The following DSCAM variants were observed in gnomAD, a reference collection of about 807,000 sequenced individuals.
The protein encoded by DSCAM is cell adhesion molecule DSCAM.
In DSCAM, 47 loss-of-function variants were observed where a neutral mutation model predicts 217.7. The ratio of observed to expected loss-of-function variants is 0.22; its 90% CI spans 0.17 to 0.28. The LOEUF (loss-of-function observed/expected upper bound fraction) is 0.28, where lower values mean the gene tolerates loss of function less well. Ranked by LOEUF, DSCAM falls within the 10% of genes least tolerant of loss-of-function variation. The probability of loss-of-function intolerance (pLI) is 1.00; values close to 1 mark genes in which losing one functional copy is unlikely to be tolerated. For missense variants in DSCAM, 2,080 were observed against 2,618.3 expected (o/e 0.79, Z 4.49); for synonymous variants, 1,056 against 1,015.3 (o/e 1.04, Z -0.76).
intron 32 of DSCAM, among the ~76,000 whole-genome samples, chr21:40,037,306 A>T (rs2088644546): frequency 6.7e-6 from 1 of 149,952 alleles, no homozygotes; most frequent in African/African-American, 2.5e-5. Context: ...CTGATAAGCA[A>T]CTTCAGCAAA....
At chr21:40,304,127 T>C (rs552854429) in intron 9 of DSCAM, among the ~76,000 whole-genome samples, 64 of 152,378 alleles carry the variant, frequency 4.2e-4, no homozygotes, top group African/African-American at 1.4e-3. Context: ...GGCTCATACA[T>C]AACAGCTAAG....
intron 1 of DSCAM, among the ~76,000 whole-genome samples, chr21:40,731,447 T>C (rs747538861): frequency 6.6e-6 from 1 of 152,146 alleles, no homozygotes; most frequent in African/African-American, 2.4e-5. Flanking sequence ...ACTAGTTTGC[T>C]AGGGCTTCTG....
intron 3 of DSCAM, among the ~76,000 whole-genome samples, chr21:40,421,957 C>A (rs2075428733): frequency 6.6e-6 from 1 of 152,166 alleles, no homozygotes; most frequent in Non-Finnish European, 1.5e-5. Flanking sequence ...AATGAGGAGG[C>A]TCTGAGCATG....
chr21:40,823,935 C>T (rs964917149), intron 1 of DSCAM, among the ~76,000 whole-genome samples: 1 of 151,224 alleles, frequency 6.6e-6, no homozygotes, highest in Non-Finnish European at 1.5e-5. Flanking sequence ...TTTGCAGAAA[C>T]GCAAATTTCA....
At chr21:40,476,684 C>T (rs2075938983) in intron 3 of DSCAM, among the ~76,000 whole-genome samples, 1 of 151,818 alleles carries the variant, frequency 6.6e-6, no homozygotes, top group Non-Finnish European at 1.5e-5. Context: ...TCTTTGCTGA[C>T]TAACCATTGG....
chr21:40,506,354 C>T (rs1273254192), intron 3 of DSCAM, among the ~76,000 whole-genome samples: 3 of 152,142 alleles, frequency 2.0e-5, no homozygotes, highest in Admixed American at 6.5e-5. Flanking sequence ...CTGCCTGGGA[C>T]GTCCATGATG....
intron 3 of DSCAM, among the ~76,000 whole-genome samples, chr21:40,531,677 C>T (rs990206208): frequency 2.0e-5 from 3 of 152,226 alleles, no homozygotes; most frequent in Non-Finnish European, 4.4e-5. Flanking sequence ...GGTCCCCATT[C>T]CTGAGTGGTT....
chr21:40,204,403 C>T (rs115104157), intron 11 of DSCAM, among the ~76,000 whole-genome samples: 114 of 152,328 alleles, frequency 7.5e-4, no homozygotes, highest in African/African-American at 2.5e-3. Context: ...TGAAACCTTT[C>T]TCCCAAATTT....
chr21:40,103,112 T>C (rs1244628638), intron 20 of DSCAM, among the ~76,000 whole-genome samples: 3 of 152,176 alleles, frequency 2.0e-5, no homozygotes, highest in Non-Finnish European at 4.4e-5. Context: ...ATAATGAGGA[T>C]AAAATGACTA....
Position 40,612,499 on chromosome 21 carries a change from T to A in DSCAM, c.508+80311A>T, listed in dbSNP as rs540923789. 4.6e-5 allele frequency among the ~76,000 whole-genome samples: 7 copies of A among 152,222 alleles called. No individual in the cohort carries two copies. The South Asian group carries it at 1.2e-3, about 27-fold the overall frequency. On this transcript the variant is annotated intron_variant, in intron 3 of 32. Transcript: ENST00000400454. ...ACAATGACCTCTACAAATCCCCAAG[T>A]CAGATTTGCCGCGAGGAGAAAGAGA... is the stretch of plus-strand genomic sequence containing the variant.
At chr21:40,748,615 G>A (rs1432530893) in intron 1 of DSCAM, among the ~76,000 whole-genome samples, 1 of 152,018 alleles carries the variant, frequency 6.6e-6, no homozygotes, top group African/African-American at 2.4e-5. Context: ...GATATTCCAT[G>A]TTCATGGACT....
At chr21:40,475,612 C>A (rs999065456) in intron 3 of DSCAM, among the ~76,000 whole-genome samples, 2 of 152,214 alleles carry the variant, frequency 1.3e-5, no homozygotes, top group African/African-American at 4.8e-5. Flanking sequence ...GCAGGCAGAT[C>A]ACAAGGTCAG....
chr21:40,509,948 C>A (rs1303061723), intron 3 of DSCAM, among the ~76,000 whole-genome samples: 1 of 152,046 alleles, frequency 6.6e-6, no homozygotes, highest in Admixed American at 6.5e-5. Context: ...CACAGTGAAA[C>A]CCCGTCTCTA....
intron 15 of DSCAM, among the ~76,000 whole-genome samples, chr21:40,175,795 ACACACACACACACG>A (rs1015040282): frequency 2.7e-4 from 29 of 107,268 alleles, no homozygotes; most frequent in East Asian, 8.4e-4. Context: ...ACACACACAC[ACACACACACACACG>A]CACACACACA....
rs749479407 is a variant in DSCAM at position 40,084,008 on chromosome 21, TGGAGA to T, written c.4133-7_4133-3del. The T allele has an allele frequency of 5.2e-5, 83 of 1,609,154 alleles. No individual in the cohort carries two copies. Among genetic ancestry groups the T allele is most frequent in the African/African-American group, 8.0e-5 (6 of 74,676 alleles). Reference sequence around the variant, plus strand: ...TAAGCCGAGGCTGATCTGGTGGAACTGGAGAGGAAACAGTTTTTAGAAAACAAGAA... The same window carrying T: ...TAAGCCGAGGCTGATCTGGTGGAACTGGAAACAGTTTTTAGAAAACAAGAA... On this transcript the variant is annotated splice_polypyrimidine_tract_variant and splice_region_variant and intron_variant, in intron 23 of 32. Transcript: ENST00000400454.
At chr21:40,706,024 C>CA (rs1278070284) in intron 2 of DSCAM, among the ~76,000 whole-genome samples, 4 of 151,762 alleles carry the variant, frequency 2.6e-5, no homozygotes, top group African/African-American at 9.7e-5. Flanking sequence ...ACTGAAAATA[C>CA]AAAAAAGTTA....
intron 1 of DSCAM, among the ~76,000 whole-genome samples, chr21:40,747,775 A>G (rs2091189696): frequency 6.6e-6 from 1 of 151,914 alleles, no homozygotes; most frequent in Non-Finnish European, 1.5e-5. Context: ...CAAAAAAGGA[A>G]GCTATAGGCC....
At chr21:40,599,940 G>T (rs977928368) in intron 3 of DSCAM, among the ~76,000 whole-genome samples, 4 of 152,130 alleles carry the variant, frequency 2.6e-5, no homozygotes, top group African/African-American at 9.7e-5. Context: ...CCAATAACAA[G>T]TTCTGAAATT....
In DSCAM at chr21:40,369,091, G is replaced by C. The variant is rs943368509; in HGVS notation, c.655+8C>G. ...GACATAGCAGACAGAGTCTTGATAAGTTTTTACCTGATACAAAAAGTCTGG... is the reference window on the plus strand; with the variant it reads ...GACATAGCAGACAGAGTCTTGATAACTTTTTACCTGATACAAAAAGTCTGG... On this transcript the variant is annotated splice_region_variant and intron_variant, in intron 4 of 32. Transcript: ENST00000400454. The C allele has an allele frequency of 2.4e-5, 39 of 1,604,910 alleles. No homozygotes were observed. Among genetic ancestry groups the C allele is most frequent in the Non-Finnish European group, 3.1e-5 (37 of 1,176,020 alleles).
Sources: allele counts gnomAD v4.1 joint callset (sites outside exome capture counted in the v4.1 genomes callset), GRCh38; gene constraint gnomAD v4.1.1; transcripts MANE v1.5; gene names NCBI Gene and HGNC (gene_info 2026-07-23, HGNC 2026-07-21).